MEF2C: variants seen among roughly 807,000 people sequenced by gnomAD.
MEF2C encodes the protein myocyte enhancer factor 2C, also known as myocyte-specific enhancer factor 2C.
MEF2C carries 6 observed loss-of-function variants against 50.5 expected under a neutral mutation model. That is an observed-to-expected ratio of 0.12 (90% CI 0.07 to 0.23). MEF2C has a LOEUF of 0.23. Among genes scored for constraint, MEF2C ranks in the 10% least tolerant of loss-of-function variants. The pLI is 1.00. For synonymous variants in MEF2C, 183 were observed against 228.0 expected (o/e 0.80, Z 1.78); for missense variants, 276 against 605.0 (o/e 0.46, Z 5.70).
At chr5:88,864,055 C>CA (rs1347523815) in intron 1 of MEF2C, among the ~76,000 whole-genome samples, 3 of 151,840 alleles carry the variant, frequency 2.0e-5, no homozygotes, top group Admixed American at 6.6e-5. Context: ...CTCCTGACCT[C>CA]AGGTGATCTT....
rs369314424 is a variant in MEF2C, at chr5:88,755,107, A to G, written c.403-3064T>C. Among the ~76,000 whole-genome samples the G allele has an allele frequency of 9.2e-4, 140 of 152,264 alleles. 6 individuals carry two copies. In the South Asian group the frequency reaches 0.028, roughly 31 times the overall value. On this transcript the variant is annotated intron_variant, in intron 4 of 10. Transcript: ENST00000504921. ...TAAAATCATTTATGATGTTGGTTAAATAGTGCCCTTTTGCTGTGAGGCAAT... is the reference window on the plus strand; with the variant it reads ...TAAAATCATTTATGATGTTGGTTAAGTAGTGCCCTTTTGCTGTGAGGCAAT...
chr5:88,790,709 G>A (rs1034200106), intron 3 of MEF2C, among the ~76,000 whole-genome samples: 1 of 151,756 alleles, frequency 6.6e-6, no homozygotes, highest in African/African-American at 2.4e-5. Context: ...AGAACACATC[G>A]GATCTCACCA....
intron 10 of MEF2C, among the ~76,000 whole-genome samples, chr5:88,724,996 CAT>C (rs1246526305): frequency 1.3e-5 from 2 of 151,900 alleles, no homozygotes; most frequent in African/African-American, 4.8e-5. Flanking sequence ...GGGAGGGTGA[CAT>C]AGAAAATTAG....
intron 1 of MEF2C, among the ~76,000 whole-genome samples, chr5:88,891,393 CTT>C (rs771799863): frequency 4.8e-5 from 5 of 104,886 alleles, no homozygotes; most frequent in Admixed American, 2.2e-4. Context: ...ACCAACCAAC[CTT>C]TTTTTTTTTT....
intron 7 of MEF2C, 92 bp from the exon 8 acceptor site, chr5:88,730,326 G>A (rs1057310508): frequency 1.4e-5 from 19 of 1,339,076 alleles, no homozygotes; most frequent in Admixed American, 5.9e-5. Context: ...AGCATCTTCC[G>A]ATAGACACAA....
intron 3 of MEF2C, among the ~76,000 whole-genome samples, chr5:88,776,159 A>G (rs1313247801): frequency 6.6e-6 from 1 of 152,112 alleles, no homozygotes; most frequent in Non-Finnish European, 1.5e-5. Context: ...TCATTAATCA[A>G]TTTGTTAACT....
intron 2 of MEF2C, among the ~76,000 whole-genome samples, chr5:88,822,864 T>C (rs889398245): frequency 6.6e-6 from 1 of 151,966 alleles, no homozygotes; most frequent in African/African-American, 2.4e-5. Flanking sequence ...CCATGATCCA[T>C]ATGAGATGGT....
intron 2 of MEF2C, among the ~76,000 whole-genome samples, chr5:88,807,944 T>C (rs1801214107): frequency 6.6e-6 from 1 of 152,230 alleles, no homozygotes; most frequent in Non-Finnish European, 1.5e-5. Flanking sequence ...TTGTCAGTGT[T>C]TTTCACCTTC....
chr5:88,807,964 T>C (rs1801221687), intron 2 of MEF2C, among the ~76,000 whole-genome samples: 1 of 152,222 alleles, frequency 6.6e-6, no homozygotes, highest in Non-Finnish European at 1.5e-5. Context: ...CTATTTCATC[T>C]TTATTGATTG....
intron 3 of MEF2C, among the ~76,000 whole-genome samples, chr5:88,776,232 A>G (rs1357424975): frequency 2.0e-5 from 3 of 152,168 alleles, no homozygotes; most frequent in African/African-American, 7.2e-5. Context: ...AAATTGACAA[A>G]CAATACTTGT....
chr5:88,859,345 G>C (rs1200407325), intron 1 of MEF2C, among the ~76,000 whole-genome samples: 1 of 152,178 alleles, frequency 6.6e-6, no homozygotes, highest in African/African-American at 2.4e-5. Context: ...CCAGTGACAA[G>C]GCACATTCAA....
chr5:88,868,082 T>C (rs929887236), intron 1 of MEF2C, among the ~76,000 whole-genome samples: 2 of 152,090 alleles, frequency 1.3e-5, no homozygotes, highest in African/African-American at 2.4e-5. Context: ...ACCCCCTGTG[T>C]TGGAAATCAA....
At chr5:88,753,315 A>G (rs1773734028) in intron 4 of MEF2C, among the ~76,000 whole-genome samples, 1 of 152,184 alleles carries the variant, frequency 6.6e-6, no homozygotes, top group South Asian at 2.1e-4. Flanking sequence ...TCTTGACAAC[A>G]GCAAATGCTT....
In MEF2C at chr5:88,845,441, T is replaced by C. The variant is rs548769944; in HGVS notation, c.-142-21511A>G. The stretch of plus-strand genomic sequence containing the variant: ...TTTAATAAGCCAAACTTTCATTATG[T>C]GAAATTTCTTTTTTGTAGTCATTTC... On this transcript the variant is annotated intron_variant, in intron 1 of 10. Coordinates refer to ENST00000504921, the MANE Select transcript of MEF2C (RefSeq NM_002397.5). Among the ~76,000 whole-genome samples, 6 of 152,368 alleles carry C rather than the reference T, an allele frequency of 3.9e-5. No homozygotes were observed. In the East Asian group the frequency reaches 9.6e-4, roughly 24 times the overall value.
Position 88,722,146 on chromosome 5 carries a change from C to A in MEF2C, c.*458G>T. 1 of 156,660 alleles carries A rather than the reference C, an allele frequency of 6.4e-6. No individual in the cohort carries two copies. The highest frequency in any genetic ancestry group is 1.4e-5 in the Non-Finnish European group (1 of 70,418). 9.7% of individuals were successfully genotyped at this position (156,660 alleles called of 1,614,324 possible). On this transcript the variant is annotated 3_prime_UTR_variant, in exon 11 of 11. Coordinates refer to ENST00000504921, the MANE Select transcript of MEF2C (RefSeq NM_002397.5). Reference sequence around the variant, plus strand: ...TGACCTGGTGTGTTCCTAACATTTACCAATGGCCACCCATTACCGGGTCTG... The same window carrying A: ...TGACCTGGTGTGTTCCTAACATTTAACAATGGCCACCCATTACCGGGTCTG...
At chr5:88,872,649 C>A (rs1220538099) in intron 1 of MEF2C, among the ~76,000 whole-genome samples, 1 of 151,952 alleles carries the variant, frequency 6.6e-6, no homozygotes, top group Non-Finnish European at 1.5e-5. Flanking sequence ...ATTTACTGAT[C>A]ATTTACTATG....
intron 3 of MEF2C, among the ~76,000 whole-genome samples, chr5:88,769,425 G>A (rs947290910): frequency 1.2e-4 from 19 of 152,178 alleles, no homozygotes; most frequent in African/African-American, 4.3e-4. Flanking sequence ...GGATTCTTCC[G>A]CCAAACCTCT....
intron 1 of MEF2C, among the ~76,000 whole-genome samples, chr5:88,861,480 T>C (rs1322189166): frequency 6.6e-6 from 1 of 152,224 alleles, no homozygotes; most frequent in Admixed American, 6.5e-5. Flanking sequence ...TCTTGAAATT[T>C]ACCGGTCTAT....
At chr5:88,743,628 G>C in intron 6 of MEF2C, 1 of 984,190 alleles carries the variant, frequency 1.0e-6, no homozygotes, top group Non-Finnish European at 1.2e-6. Flanking sequence ...ATCTGAGTAA[G>C]TACTAAGTTC....
Sources: allele counts gnomAD v4.1 joint callset (sites outside exome capture counted in the v4.1 genomes callset), GRCh38; gene constraint gnomAD v4.1.1; transcripts MANE v1.5; gene names NCBI Gene and HGNC (gene_info 2026-07-23, HGNC 2026-07-21).